Variants in ZNF804A observed in about 807,000 individuals in gnomAD.
The protein encoded by ZNF804A is zinc finger protein 804A.
In ZNF804A, 2 loss-of-function variants were observed where a neutral mutation model predicts 16.5. The ratio of observed to expected loss-of-function variants is 0.12; its 90% CI spans 0.05 to 0.38. The LOEUF is 0.38. Ranked by LOEUF, ZNF804A falls within the 10% of genes least tolerant of loss-of-function variation. ZNF804A has a pLI of 0.99. For synonymous variants in ZNF804A, 534 were observed against 489.6 expected, an observed-to-expected ratio of 1.09 and a Z score of -1.20; for missense variants, 1,473 against 1,390.7, an observed-to-expected ratio of 1.06 and a Z score of -0.94.
rs1685804580 is a variant in ZNF804A, at chr2:184,937,136, A to G, written c.1740A>G (p.Ile580Met). ...QDTLDEKYNKIRLKETHEYWF... is the reference protein window; with the variant it reads ...QDTLDEKYNKMRLKETHEYWF... Reference sequence around the variant, plus strand: ...CTCTAGATGAAAAATACAACAAAATAAGGTTGAAAGAGACCCATGAATACT... The same window carrying G: ...CTCTAGATGAAAAATACAACAAAATGAGGTTGAAAGAGACCCATGAATACT... Residue 580 changes from isoleucine (I) to methionine (M), a missense_variant, in exon 4 of 4, where the codon ATA (isoleucine) becomes ATG (methionine). By Grantham distance (10) the Ile-to-Met change is conservative. Coordinates refer to ENST00000302277, the MANE Select transcript of ZNF804A (RefSeq NM_194250.2). The G allele has an allele frequency of 1.9e-6, 3 of 1,603,322 alleles. No homozygotes were observed. Among genetic ancestry groups the G allele is most frequent in the East Asian group, 2.2e-5 (1 of 44,760 alleles).
intron 2 of ZNF804A, among the ~76,000 whole-genome samples, chr2:184,903,291 C>T (rs1685215573): frequency 6.6e-6 from 1 of 151,986 alleles, no homozygotes; most frequent in Non-Finnish European, 1.5e-5. Context: ...GACAGTGGAC[C>T]ACATATATAG....
intron 1 of ZNF804A, among the ~76,000 whole-genome samples, chr2:184,762,701 A>C (rs1397582613): frequency 2.0e-5 from 3 of 152,056 alleles, no homozygotes; most frequent in Non-Finnish European, 4.4e-5. Context: ...TAATTATATC[A>C]AATGCTCAAA....
intron 1 of ZNF804A, among the ~76,000 whole-genome samples, chr2:184,662,902 T>C (rs1692197525): frequency 6.6e-6 from 1 of 152,228 alleles, no homozygotes. Context: ...TTGTTAATCA[T>C]ACAGTATCTG....
chr2:184,937,640 G>C lies in ZNF804A; in HGVS notation c.2244G>C (p.Met748Ile). Reference protein sequence around the residue: ...SLVLQNDMKHMSQNQAVKRGY... With the variant: ...SLVLQNDMKHISQNQAVKRGY... The stretch of plus-strand genomic sequence containing the variant: ...TTCTTCAAAATGATATGAAACACAT[G>C]AGTCAGAATCAGGCTGTTAAAAGAG... The change falls in exon 4 of 4, where the codon ATG becomes ATC. Residue 748 changes from methionine (M) to isoleucine (I), a missense_variant. Met to Ile is a conservative substitution (Grantham distance 10). Transcript: ENST00000302277. 6.2e-7 allele frequency: 1 copy of C among 1,613,908 alleles called. No individual in the cohort carries two copies. Among genetic ancestry groups the C allele is most frequent in the Non-Finnish European group, 8.5e-7 (1 of 1,179,946 alleles).
At chr2:184,865,467 A>G (rs975639517) in intron 1 of ZNF804A, among the ~76,000 whole-genome samples, 1 of 152,078 alleles carries the variant, frequency 6.6e-6, no homozygotes, top group Non-Finnish European at 1.5e-5. Flanking sequence ...CAGAGATCAC[A>G]TGTGGCGAGA....
At chr2:184,871,957 T>A (rs980510484) in intron 2 of ZNF804A, among the ~76,000 whole-genome samples, 43 of 151,968 alleles carry the variant, frequency 2.8e-4, no homozygotes, top group African/African-American at 1.0e-3. Context: ...AATCTAGAAT[T>A]TGAACACAGA....
At chr2:184,604,941 CTT>C (rs1220862412) in intron 1 of ZNF804A, among the ~76,000 whole-genome samples, 1 of 152,046 alleles carries the variant, frequency 6.6e-6, no homozygotes, top group African/African-American at 2.4e-5. Context: ...AAATTGCAAA[CTT>C]TTACTTAGGC....
chr2:184,619,013 T>C (rs1691376165), intron 1 of ZNF804A, among the ~76,000 whole-genome samples: 1 of 152,092 alleles, frequency 6.6e-6, no homozygotes, highest in African/African-American at 2.4e-5. Flanking sequence ...CGGATGCATC[T>C]AAACTTATTT....
At chr2:184,612,449 T>TG (rs368901393) in intron 1 of ZNF804A, among the ~76,000 whole-genome samples, 94 of 148,668 alleles carry the variant, frequency 6.3e-4, no homozygotes, top group East Asian at 3.5e-3. Flanking sequence ...TTTTTTTTTT[T>TG]GGGGGGGGGA....
At chr2:184,771,248 C>A (rs1408041874) in intron 1 of ZNF804A, among the ~76,000 whole-genome samples, 2 of 151,758 alleles carry the variant, frequency 1.3e-5, no homozygotes, top group East Asian at 3.9e-4. Context: ...TCATTTTTGA[C>A]AATAAGGTTG....
At chr2:184,933,480 G>A (rs1685737080) in intron 2 of ZNF804A, 123 bp from the exon 3 acceptor site, 1 of 866,004 alleles carries the variant, frequency 1.2e-6, no homozygotes, top group Non-Finnish European at 1.7e-6. Flanking sequence ...TGTCATGAAT[G>A]TTGTGTTTAC....
At chr2:184,710,659 A>G (rs980989248) in intron 1 of ZNF804A, among the ~76,000 whole-genome samples, 2 of 151,418 alleles carry the variant, frequency 1.3e-5, no homozygotes, top group Non-Finnish European at 3.0e-5. Flanking sequence ...TTGAAAAAGA[A>G]CTCCTTATTT....
At chr2:184,759,003 C>T (rs1248553274) in intron 1 of ZNF804A, among the ~76,000 whole-genome samples, 1 of 151,404 alleles carries the variant, frequency 6.6e-6, no homozygotes, top group Non-Finnish European at 1.5e-5. Flanking sequence ...TATGTATATG[C>T]AATATCATAT....
chr2:184,897,518 A>T (rs761725374), intron 2 of ZNF804A, among the ~76,000 whole-genome samples: 2 of 149,814 alleles, frequency 1.3e-5, no homozygotes, highest in East Asian at 2.0e-4. Flanking sequence ...GTCACTCATT[A>T]TGTGTAGCTC....
rs182351169 is a variant in ZNF804A, at chr2:184,800,712, C to A, written c.112-65657C>A. Reference sequence around the variant, plus strand: ...AAGTCCCTCATCCAATAATACCATACTCTTCACATGTAGTGTTGATACTTT... The same window carrying A: ...AAGTCCCTCATCCAATAATACCATAATCTTCACATGTAGTGTTGATACTTT... On this transcript the variant is annotated intron_variant, in intron 1 of 3. Transcript: ENST00000302277. 2.5e-3 allele frequency among the ~76,000 whole-genome samples: 381 copies of A among 151,914 alleles called. 1 individual carries two copies. Among genetic ancestry groups the A allele is most frequent in the Middle Eastern group, 7.2e-3 (2 of 276 alleles).
chr2:184,651,434 G>A (rs886743059), intron 1 of ZNF804A, among the ~76,000 whole-genome samples: 1 of 151,828 alleles, frequency 6.6e-6, no homozygotes. Context: ...AACAAAAATT[G>A]GCAAATGAGA....
At chr2:184,790,777 G>A (rs1694527516) in intron 1 of ZNF804A, among the ~76,000 whole-genome samples, 1 of 151,784 alleles carries the variant, frequency 6.6e-6, no homozygotes, top group Admixed American at 6.6e-5. Context: ...CTAATTTTTT[G>A]TATTTTTAGT....
chr2:184,867,390 T>G (rs1308290217), intron 2 of ZNF804A, among the ~76,000 whole-genome samples: 1 of 152,118 alleles, frequency 6.6e-6, no homozygotes, highest in Non-Finnish European at 1.5e-5. Context: ...GCCCTAACTT[T>G]CTGTTATATC....
chr2:184,857,781 T>TA (rs1303002959), intron 1 of ZNF804A, among the ~76,000 whole-genome samples: 1 of 152,174 alleles, frequency 6.6e-6, no homozygotes, highest in East Asian at 1.9e-4. Flanking sequence ...TATAGCTACT[T>TA]ATTTTGGTTT....
Sources: gnomAD v4.1 joint callset for allele counts (sites outside exome capture counted in the v4.1 genomes callset) on GRCh38, gnomAD v4.1.1 for gene constraint, MANE v1.5 for transcripts, NCBI Gene and HGNC (gene_info 2026-07-23, HGNC 2026-07-21) for gene names.